SGMS1: variants seen among roughly 807,000 people sequenced by gnomAD.
The protein encoded by SGMS1 is sphingomyelin synthase 1.
A neutral mutation model predicts 46.2 loss-of-function variants in SGMS1; 13 were observed. That is an observed-to-expected ratio of 0.28 (90% CI 0.18 to 0.45). The LOEUF is 0.45. Ranked by LOEUF, SGMS1 falls within the 20% of genes least tolerant of loss-of-function variation. The probability of loss-of-function intolerance (pLI) is 1.00; values close to 1 mark genes in which losing one functional copy is unlikely to be tolerated. For synonymous variants in SGMS1, 203 were observed against 187.8 expected, an observed-to-expected ratio of 1.08 and a Z score of -0.66; for missense variants, 324 against 519.9, an observed-to-expected ratio of 0.62 and a Z score of 3.66.
chr10:50,401,394 C>T (rs1010797892), intron 6 of SGMS1, among the ~76,000 whole-genome samples: 2 of 152,196 alleles, frequency 1.3e-5, no homozygotes, highest in African/African-American at 2.4e-5. Context: ...TTAATCTCCA[C>T]TTGTGCAAAT....
At chr10:50,324,515 A>G (rs1847499045) in intron 8 of SGMS1, among the ~76,000 whole-genome samples, 1 of 152,140 alleles carries the variant, frequency 6.6e-6, no homozygotes, top group African/African-American at 2.4e-5. Context: ...GCTTCTCTCC[A>G]GTGTCACCCT....
intron 1 of SGMS1, among the ~76,000 whole-genome samples, chr10:50,611,276 C>T (rs138387358): frequency 3.3e-5 from 5 of 152,324 alleles, no homozygotes; most frequent in African/African-American, 1.2e-4. Context: ...CCCAAGGCCA[C>T]CTCAACAACT....
At chr10:50,609,524 T>G (rs34403054) in intron 1 of SGMS1, among the ~76,000 whole-genome samples, 2 of 149,472 alleles carry the variant, frequency 1.3e-5, no homozygotes, top group Non-Finnish European at 3.0e-5. Flanking sequence ...CTCAATAGTT[T>G]TTTTTTTTTT....
intron 2 of SGMS1, among the ~76,000 whole-genome samples, chr10:50,554,392 A>T (rs570653880): frequency 3.9e-5 from 6 of 152,352 alleles, no homozygotes; most frequent in African/African-American, 1.4e-4. Flanking sequence ...TGAAAAATTT[A>T]AACGTTAGTG....
chr10:50,345,649 C>A (rs1847902420), intron 6 of SGMS1, among the ~76,000 whole-genome samples: 1 of 152,042 alleles, frequency 6.6e-6, no homozygotes, highest in African/African-American at 2.4e-5. Context: ...ACTCAAAATC[C>A]AAAATGCTCC....
chr10:50,483,478 A>G (rs1412633662), intron 3 of SGMS1, among the ~76,000 whole-genome samples: 2 of 152,190 alleles, frequency 1.3e-5, no homozygotes, highest in Non-Finnish European at 2.9e-5. Flanking sequence ...TATTAGACAG[A>G]TCACTGAGAG....
chr10:50,505,269 C>T (rs992478653), intron 3 of SGMS1, among the ~76,000 whole-genome samples: 2 of 152,092 alleles, frequency 1.3e-5, no homozygotes, highest in African/African-American at 4.8e-5. Flanking sequence ...CCCATAGAAA[C>T]AATCAGAGGA....
chr10:50,384,448 CTT>C (rs1294815915), intron 6 of SGMS1, among the ~76,000 whole-genome samples: 6 of 142,800 alleles, frequency 4.2e-5, no homozygotes, highest in African/African-American at 1.6e-4. Flanking sequence ...TCTTTCCTCT[CTT>C]TCTCTCCTTC....
chr10:50,479,661 T>G (rs921230647), intron 3 of SGMS1, among the ~76,000 whole-genome samples: 4 of 152,186 alleles, frequency 2.6e-5, no homozygotes, highest in Admixed American at 2.6e-4. Context: ...CAACAAAAAT[T>G]ACAAATAATT....
chr10:50,596,093 T>C (rs751916886), intron 1 of SGMS1, among the ~76,000 whole-genome samples: 1 of 152,136 alleles, frequency 6.6e-6, no homozygotes, highest in Non-Finnish European at 1.5e-5. Context: ...ATTTTAAACA[T>C]TTTCTTGCTT....
intron 8 of SGMS1, among the ~76,000 whole-genome samples, chr10:50,314,441 C>T (rs1847306942): frequency 1.3e-5 from 2 of 152,080 alleles, no homozygotes; most frequent in African/African-American, 4.8e-5. Flanking sequence ...GCCTCGATTT[C>T]CTCATCTACA....
chr10:50,429,828 T>C (rs1382251527), intron 6 of SGMS1, among the ~76,000 whole-genome samples: 2 of 152,140 alleles, frequency 1.3e-5, no homozygotes, highest in Non-Finnish European at 2.9e-5. Context: ...CTATTCTTTC[T>C]TGAGCATTTG....
intron 6 of SGMS1, among the ~76,000 whole-genome samples, chr10:50,389,175 T>G (rs914672987): frequency 2.6e-5 from 4 of 152,288 alleles, no homozygotes; most frequent in African/African-American, 9.6e-5. Context: ...AAGAATACTA[T>G]GGGTAGAGGT....
intron 6 of SGMS1, among the ~76,000 whole-genome samples, chr10:50,356,971 G>C (rs7069978): frequency 0.22 from 33,252 of 151,718 alleles, 3,668 homozygotes; most frequent in East Asian, 0.27. Flanking sequence ...AATGCTAAAT[G>C]ACGAGTTAAT....
intron 6 of SGMS1, among the ~76,000 whole-genome samples, chr10:50,410,514 C>G (rs963408695): frequency 1.3e-5 from 2 of 152,192 alleles, no homozygotes; most frequent in African/African-American, 4.8e-5. Context: ...GCTGGCATGT[C>G]TGATGGCAGA....
chr10:50,382,026 C>T (rs1238281684), intron 6 of SGMS1, among the ~76,000 whole-genome samples: 1 of 152,144 alleles, frequency 6.6e-6, no homozygotes, highest in Non-Finnish European at 1.5e-5. Flanking sequence ...CCTTTCAATA[C>T]ATTTTTCTGA....
intron 3 of SGMS1, among the ~76,000 whole-genome samples, chr10:50,507,597 C>G (rs1837718422): frequency 6.6e-6 from 1 of 152,166 alleles, no homozygotes; most frequent in Non-Finnish European, 1.5e-5. Flanking sequence ...TGAACAGCAC[C>G]CTGATTTTTA....
Position 50,307,550 on chromosome 10 carries a change from C to A in SGMS1, c.1063-229G>T, listed in dbSNP as rs544191539. Among the ~76,000 whole-genome samples, 1 of 152,272 alleles carries A rather than the reference C, an allele frequency of 6.6e-6. No individual in the cohort carries two copies. The highest frequency in any genetic ancestry group is 1.9e-4 in the East Asian group (1 of 5,180). ...CTGGGAGGGCAAGGAGAACTTATGGCTCACTCATCTCTTGCTTATAAATAA... is the reference window on the plus strand; with the variant it reads ...CTGGGAGGGCAAGGAGAACTTATGGATCACTCATCTCTTGCTTATAAATAA... On this transcript the variant is annotated intron_variant, in intron 10 of 10. Coordinates refer to ENST00000361781, the MANE Select transcript of SGMS1 (RefSeq NM_147156.4). This position sits in a 1 kb window ranked among gnomAD's most constrained non-coding sequence, Gnocchi z 4.2.
In SGMS1 at chr10:50,560,480, A is replaced by T. The variant is rs574155893; in HGVS notation, c.-589+29673T>A. On this transcript the variant is annotated intron_variant, in intron 2 of 10. Coordinates refer to ENST00000361781, the MANE Select transcript of SGMS1 (RefSeq NM_147156.4). ...ATAAAACATATAATACATATATGTA[A>T]TACATATTACATAATACATAAATAC... is the stretch of plus-strand genomic sequence containing the variant. Among the ~76,000 whole-genome samples the T allele has an allele frequency of 2.1e-5, 3 of 142,078 alleles. No homozygotes were observed. In the East Asian group the frequency reaches 5.9e-4, roughly 28 times the overall value. 93.2% of individuals were successfully genotyped at this position (142,078 alleles called of 152,430 possible).
Sources: gnomAD v4.1 joint callset for allele counts (sites outside exome capture counted in the v4.1 genomes callset) on GRCh38, gnomAD v4.1.1 for gene constraint, Gnocchi (gnomAD v3.1) non-coding constraint, MANE v1.5 for transcripts, NCBI Gene and HGNC (gene_info 2026-07-23, HGNC 2026-07-21) for gene names.